Variants in DOCK4 observed in about 807,000 individuals in gnomAD.
DOCK4 encodes the protein dedicator of cytokinesis protein 4.
A neutral mutation model predicts 268.1 loss-of-function variants in DOCK4; 97 were observed. That is an observed-to-expected ratio of 0.36 (90% confidence interval 0.31 to 0.43). The LOEUF is 0.43. Ranked by LOEUF, DOCK4 falls within the 20% of genes least tolerant of loss-of-function variation. The pLI, the probability that DOCK4 is intolerant of heterozygous loss-of-function variation, is 1.00. For missense variants in DOCK4, 2,145 were observed against 2,455.7 expected (o/e 0.87, Z 2.67); for synonymous variants, 954 against 887.2 (o/e 1.08, Z -1.34).
At chr7:112,015,797 G>A (rs951451908) in intron 1 of DOCK4, among the ~76,000 whole-genome samples, 2 of 152,158 alleles carry the variant, frequency 1.3e-5, no homozygotes, top group Non-Finnish European at 2.9e-5. Context: ...AGTTCTGGAA[G>A]CTAGCAAGTC....
At chr7:111,997,489 G>A (rs1586603714) in intron 4 of DOCK4, among the ~76,000 whole-genome samples, 2 of 152,232 alleles carry the variant, frequency 1.3e-5, no homozygotes, top group South Asian at 2.1e-4. Context: ...TAGACTCTTA[G>A]CCACATGCAT....
chr7:112,091,442 T>C (rs1292165272), intron 1 of DOCK4, among the ~76,000 whole-genome samples: 1 of 152,144 alleles, frequency 6.6e-6, no homozygotes, highest in African/African-American at 2.4e-5. Context: ...AAGGTCTCTC[T>C]GAATTCTAGA....
At chr7:112,152,375 T>C (rs1457337264) in intron 1 of DOCK4, among the ~76,000 whole-genome samples, 1 of 152,186 alleles carries the variant, frequency 6.6e-6, no homozygotes, top group African/African-American at 2.4e-5. Flanking sequence ...GAAATAGTCA[T>C]GGTGATGATA....
At chr7:112,048,576 A>C (rs1169529465) in intron 1 of DOCK4, among the ~76,000 whole-genome samples, 1 of 151,680 alleles carries the variant, frequency 6.6e-6, no homozygotes, top group Non-Finnish European at 1.5e-5. Context: ...AAAACAAAAA[A>C]AAACAAAACA....
chr7:112,164,144 G>T (rs1424647930), intron 1 of DOCK4, among the ~76,000 whole-genome samples: 1 of 151,970 alleles, frequency 6.6e-6, no homozygotes, highest in Middle Eastern at 3.2e-3. Flanking sequence ...TAATTAGCTG[G>T]GTGTGGTGGC....
chr7:111,799,118 C>T (rs1242923723), intron 30 of DOCK4, among the ~76,000 whole-genome samples: 1 of 152,184 alleles, frequency 6.6e-6, no homozygotes, highest in African/African-American at 2.4e-5. Flanking sequence ...AGAAATTAAA[C>T]TTCAGTATTC....
chr7:112,020,270 T>C (rs905276913), intron 1 of DOCK4, among the ~76,000 whole-genome samples: 1 of 152,188 alleles, frequency 6.6e-6, no homozygotes. Context: ...CTGTCAGTTT[T>C]CCAAAATCTA....
chr7:112,000,812 G>T (rs1800362528), intron 2 of DOCK4, among the ~76,000 whole-genome samples: 1 of 152,136 alleles, frequency 6.6e-6, no homozygotes. Context: ...AGAGCATTGG[G>T]CTTCAATTCT....
chr7:111,783,068 T>TTGG, intron 34 of DOCK4, 144 bp from the exon 35 acceptor site: 1 of 712,528 alleles, frequency 1.4e-6, no homozygotes, highest in Non-Finnish European at 2.3e-6. Flanking sequence ...CAATTTGCAT[T>TTGG]GCAAGCGTTC....
intron 10 of DOCK4, among the ~76,000 whole-genome samples, chr7:111,941,849 T>C (rs1410594941): frequency 1.3e-5 from 2 of 152,146 alleles, no homozygotes; most frequent in Non-Finnish European, 2.9e-5. Context: ...ATGGGAGAAG[T>C]GTAGCTCTCA....
intron 30 of DOCK4, among the ~76,000 whole-genome samples, chr7:111,802,468 A>G (rs57292092): frequency 0.07 from 10,657 of 152,166 alleles, 1,263 homozygotes; most frequent in African/African-American, 0.24. Context: ...GCTTTTGGGT[A>G]TGTGTGAAAA....
At chr7:111,854,693 T>C (rs926645441) in intron 23 of DOCK4, among the ~76,000 whole-genome samples, 2 of 152,132 alleles carry the variant, frequency 1.3e-5, no homozygotes, top group African/African-American at 2.4e-5. Context: ...TTCAGTAGCT[T>C]TTGCTACTGT....
At chr7:111,866,318 A>G (rs917518328) in intron 22 of DOCK4, among the ~76,000 whole-genome samples, 7 of 152,212 alleles carry the variant, frequency 4.6e-5, no homozygotes, top group African/African-American at 1.2e-4. Context: ...ATCATTTTAT[A>G]TGGATTTTTT....
intron 30 of DOCK4, among the ~76,000 whole-genome samples, chr7:111,800,928 ATAG>A (rs1284601947): frequency 6.6e-6 from 1 of 152,210 alleles, no homozygotes; most frequent in Non-Finnish European, 1.5e-5. Flanking sequence ...TTTCAGGCTG[ATAG>A]TAGTGGTAAA....
chr7:112,043,291 A>T (rs1804555872), intron 1 of DOCK4, among the ~76,000 whole-genome samples: 1 of 152,172 alleles, frequency 6.6e-6, no homozygotes, highest in Non-Finnish European at 1.5e-5. Context: ...AAATTAACCA[A>T]TGTTACTCAT....
intron 8 of DOCK4, chr7:111,971,643 T>C: frequency 4.4e-6 from 1 of 228,312 alleles, no homozygotes; most frequent in Non-Finnish European, 8.5e-6. Context: ...CACATCCCCT[T>C]TGCCACAGCT....
At chr7:111,875,050 A>G (rs1806742224) in intron 17 of DOCK4, among the ~76,000 whole-genome samples, 1 of 152,230 alleles carries the variant, frequency 6.6e-6, no homozygotes, top group Non-Finnish European at 1.5e-5. Context: ...TAGCATGTAA[A>G]TTTCAGAAAG....
At chr7:112,112,643 C>CAA (rs943420036) in intron 1 of DOCK4, among the ~76,000 whole-genome samples, 8 of 135,428 alleles carry the variant, frequency 5.9e-5, no homozygotes, top group East Asian at 2.2e-4. Flanking sequence ...GACTCCAACT[C>CAA]AAAAAAAAAA....
chr7:112,154,421 ATTGT>A (rs1257511157), intron 1 of DOCK4, among the ~76,000 whole-genome samples: 2 of 152,180 alleles, frequency 1.3e-5, no homozygotes, highest in South Asian at 2.1e-4. Context: ...CTACTTAGAC[ATTGT>A]TTGACTCCTT....
Sources: gnomAD v4.1 joint callset for allele counts (sites outside exome capture counted in the v4.1 genomes callset) on GRCh38, gnomAD v4.1.1 for gene constraint, MANE v1.5 for transcripts, NCBI Gene and HGNC (gene_info 2026-07-23, HGNC 2026-07-21) for gene names.